Variants in STK10 observed in about 807,000 individuals in gnomAD.
The protein encoded by STK10 is serine/threonine-protein kinase 10.
Under a neutral mutation model 113.8 loss-of-function variants are expected in STK10, and 78 were observed. That is an observed-to-expected ratio of 0.69 (90% CI 0.57 to 0.83). The LOEUF is 0.83. Among genes scored for constraint, STK10 ranks in the 40% least tolerant of loss-of-function variants. The pLI, the probability that STK10 is intolerant of heterozygous loss-of-function variation, is 0.00. For missense variants in STK10, 1,109 were observed against 1,280.1 expected (o/e 0.87, Z 2.04); for synonymous variants, 465 against 494.7 (o/e 0.94, Z 0.80).
chr5:172,140,561 G>A (rs368211540), intron 2 of STK10, among the ~76,000 whole-genome samples: 1 of 152,174 alleles, frequency 6.6e-6, no homozygotes, highest in African/African-American at 2.4e-5. Flanking sequence ...GCCTGGTGTG[G>A]TGGCACATGC....
intron 10 of STK10, 124 bp from the exon 11 acceptor site, chr5:172,083,208 C>T: frequency 8.0e-7 from 1 of 1,245,566 alleles, no homozygotes; most frequent in Non-Finnish European, 1.1e-6. Context: ...GGGGCACAGG[C>T]ATGACTAGAA....
At position 172,093,754 on chromosome 5, in the gene STK10, C is replaced by CA; in HGVS notation, c.1211dup (p.Ala405GlyfsTer28). On this transcript the variant is annotated frameshift_variant, in exon 9 of 19. Transcript: ENST00000176763. LOFTEE classifies it high-confidence loss of function. The surrounding 1 kb of genome is among the most constrained non-coding windows in gnomAD (Gnocchi z 4.1). ...ACTTCCGCAGGGGCACAGGCACTGC[C>CA]AGGCCGTTCTCATTTCCAGGGGCCA... is the stretch of plus-strand genomic sequence containing the variant. 6.2e-7 allele frequency: 1 copy of CA among 1,611,530 alleles called. No homozygotes were observed. The highest frequency in any genetic ancestry group is 8.5e-7 in the Non-Finnish European group (1 of 1,177,814).
At chr5:172,170,107 C>T (rs116710973) in intron 1 of STK10, among the ~76,000 whole-genome samples, 46 of 147,490 alleles carry the variant, frequency 3.1e-4, no homozygotes, top group African/African-American at 1.1e-3. Flanking sequence ...TCATGGCAGA[C>T]ACTCAGTATG....
At chr5:172,142,289 G>A (rs533464013) in intron 2 of STK10, among the ~76,000 whole-genome samples, 4 of 152,308 alleles carry the variant, frequency 2.6e-5, no homozygotes, top group Non-Finnish European at 4.4e-5. Context: ...GCTTAGGACT[G>A]ACAGAGCTAG....
At chr5:172,119,750 G>A (rs1022013595) in intron 3 of STK10, among the ~76,000 whole-genome samples, 2 of 145,476 alleles carry the variant, frequency 1.4e-5, no homozygotes, top group African/African-American at 5.3e-5. Flanking sequence ...TGTAGTCCCA[G>A]CTACTCGGGA....
intron 10 of STK10, among the ~76,000 whole-genome samples, chr5:172,085,195 T>G (rs1768524566): frequency 6.6e-6 from 1 of 151,830 alleles, no homozygotes; most frequent in Non-Finnish European, 1.5e-5. Flanking sequence ...CAGTGAGCCG[T>G]GACTATGCCG....
intron 2 of STK10, among the ~76,000 whole-genome samples, chr5:172,154,027 C>A (rs1356775518): frequency 1.3e-5 from 2 of 152,194 alleles, no homozygotes; most frequent in Non-Finnish European, 2.9e-5. Flanking sequence ...CCTCTCAAAC[C>A]TGACTTCTTT....
In STK10 at chr5:172,093,662, C is replaced by T; in HGVS notation, c.1304G>A (p.Gly435Glu). 1 of 1,614,266 alleles carries T rather than the reference C, an allele frequency of 6.2e-7. No homozygotes were observed. Among genetic ancestry groups the T allele is most frequent in the African/African-American group, 1.3e-5 (1 of 75,064 alleles). The change falls in exon 9 of 19, where the codon GGG becomes GAG. Residue 435 changes from glycine (G) to glutamate (E), a missense_variant. Gly to Glu is a moderately conservative substitution (Grantham distance 98). Around this residue, in one of 5 missense-constraint regions of STK10, gnomAD observed 885 missense variants for 991.1 expected, o/e 0.89. Transcript: ENST00000176763. This position sits in a 1 kb window ranked among gnomAD's most constrained non-coding sequence, Gnocchi z 4.1. ...TCTGTTGGCTGCTGGGCTGAGGTCC[C>T]CACCCTGCTCAGCAACTTGCTTCTC... ...AQEKQVAEQG[G>E]DLSPAANRSQ...
intron 10 of STK10, among the ~76,000 whole-genome samples, chr5:172,088,502 C>T (rs552888060): frequency 9.9e-5 from 15 of 152,042 alleles, no homozygotes; most frequent in East Asian, 5.8e-4. Flanking sequence ...CCAGCCTGAG[C>T]GACAGAGCGA....
At chr5:172,058,294 TC>T (rs1561790866) in intron 14 of STK10, among the ~76,000 whole-genome samples, 1 of 152,236 alleles carries the variant, frequency 6.6e-6, no homozygotes, top group Non-Finnish European at 1.5e-5. Context: ...ATAGGACGGT[TC>T]TTACCAACAT....
chr5:172,090,472 C>A, intron 9 of STK10, 110 bp from the exon 10 acceptor site: 1 of 1,447,872 alleles, frequency 6.9e-7, no homozygotes, highest in East Asian at 2.3e-5. Flanking sequence ...AGAACCACCC[C>A]CAGAGAGATG....
intron 1 of STK10, among the ~76,000 whole-genome samples, chr5:172,158,897 G>C (rs936830121): frequency 4.6e-5 from 7 of 152,166 alleles, no homozygotes; most frequent in African/African-American, 1.7e-4. Context: ...GGGAAATGGG[G>C]AGTTATTGTT....
intron 15 of STK10, 40 bp downstream of exon 15, chr5:172,057,309 C>A: frequency 6.4e-7 from 1 of 1,568,728 alleles, no homozygotes; most frequent in East Asian, 2.3e-5. Flanking sequence ...CCAGGTCGGC[C>A]CGGCAGCAGA....
At chr5:172,109,484 A>AT (rs1045308110) in intron 4 of STK10, among the ~76,000 whole-genome samples, 73 of 151,594 alleles carry the variant, frequency 4.8e-4, no homozygotes, top group East Asian at 2.7e-3. Flanking sequence ...TAATTTTTGT[A>AT]TTTTTTGTAG....
At chr5:172,079,864 A>G (rs996312718) in intron 12 of STK10, among the ~76,000 whole-genome samples, 2 of 152,218 alleles carry the variant, frequency 1.3e-5, no homozygotes, top group Admixed American at 6.5e-5. Context: ...ACCCGGCTGC[A>G]TTAAAATTTT....
intron 12 of STK10, among the ~76,000 whole-genome samples, chr5:172,069,609 T>C (rs1768135579): frequency 6.6e-6 from 1 of 151,900 alleles, no homozygotes; most frequent in Non-Finnish European, 1.5e-5. Context: ...AACAAATAAA[T>C]AAATAAAAGA....
Position 172,077,197 on chromosome 5 carries a change from G to A in STK10, c.1989+5129C>T, listed in dbSNP as rs147305154. On this transcript the variant is annotated intron_variant, in intron 12 of 18. Transcript: ENST00000176763. ...TGTCTTCAGAAAAGTTACTGAACTC[G>A]TTCGAGTTCCTCATTTTCTCATCAG... is the stretch of plus-strand genomic sequence containing the variant. Among the ~76,000 whole-genome samples, 43 of 152,306 alleles carry A rather than the reference G, an allele frequency of 2.8e-4. No individual in the cohort carries two copies. The East Asian group carries it at 6.0e-3, about 21-fold the overall frequency.
At position 172,120,473 on chromosome 5, in the gene STK10, C is replaced by T. The variant is rs1038994569; in HGVS notation, c.371-2843G>A. Among the ~76,000 whole-genome samples the T allele has an allele frequency of 1.3e-5, 2 of 152,202 alleles. No individual in the cohort carries two copies. The highest frequency in any genetic ancestry group is 2.9e-5 in the Non-Finnish European group (2 of 68,030). On this transcript the variant is annotated intron_variant, in intron 3 of 18. Transcript: ENST00000176763. The surrounding 1 kb of genome is among the most constrained non-coding windows in gnomAD (Gnocchi z 4.0). ...AGCTGCCTGCCCCCTGTCCCTGTGGCCTCATCCTGAACCTCTGTGTCTCCA... is the reference window on the plus strand; with the variant it reads ...AGCTGCCTGCCCCCTGTCCCTGTGGTCTCATCCTGAACCTCTGTGTCTCCA...
chr5:172,068,164 C>T (rs565878148), intron 12 of STK10, among the ~76,000 whole-genome samples: 36 of 152,208 alleles, frequency 2.4e-4, no homozygotes, highest in Admixed American at 6.5e-4. Context: ...GATGGTGAAA[C>T]CCTGTCTCTA....
Sources: allele counts gnomAD v4.1 joint callset (sites outside exome capture counted in the v4.1 genomes callset), GRCh38; gene constraint gnomAD v4.1.1; regional missense constraint gnomAD v4.1.1; non-coding constraint Gnocchi (gnomAD v3.1); transcripts MANE v1.5; gene names NCBI Gene and HGNC (gene_info 2026-07-23, HGNC 2026-07-21).